LRRC4C: variants seen among roughly 807,000 people sequenced by gnomAD.
The protein encoded by LRRC4C is leucine-rich repeat-containing protein 4C.
A neutral mutation model predicts 33.6 loss-of-function variants in LRRC4C; 5 were observed. The observed-to-expected ratio is 0.15, with a 90% CI of 0.08 to 0.31. The LOEUF (loss-of-function observed/expected upper bound fraction) is 0.31. LRRC4C is among the 10% of genes least tolerant of loss of function. The probability of loss-of-function intolerance (pLI) is 1.00; values close to 1 mark genes in which losing one functional copy is unlikely to be tolerated. For synonymous variants in LRRC4C, 329 were observed against 302.0 expected (o/e 1.09, Z -0.93); for missense variants, 560 against 796.7 (o/e 0.70, Z 3.58).
intron 3 of LRRC4C, among the ~76,000 whole-genome samples, chr11:40,534,785 T>C (rs1406063490): frequency 6.6e-6 from 1 of 152,202 alleles, no homozygotes; most frequent in Non-Finnish European, 1.5e-5. Context: ...GGGCAAATTG[T>C]CCATTACTAT....
At chr11:40,431,749 T>G (rs888495223) in intron 3 of LRRC4C, among the ~76,000 whole-genome samples, 1 of 152,178 alleles carries the variant, frequency 6.6e-6, no homozygotes, top group African/African-American at 2.4e-5. Flanking sequence ...ATTATCCCCA[T>G]TTTACAGGTA....
chr11:40,745,299 CCTT>C (rs1043027485), intron 2 of LRRC4C, among the ~76,000 whole-genome samples: 1 of 152,048 alleles, frequency 6.6e-6, no homozygotes. Context: ...AAATAGCAGA[CCTT>C]CTTCTCCAAA....
intron 1 of LRRC4C, among the ~76,000 whole-genome samples, chr11:41,135,183 C>A (rs1270215618): frequency 6.6e-6 from 1 of 152,070 alleles, no homozygotes; most frequent in Non-Finnish European, 1.5e-5. Flanking sequence ...AAAATTTTTT[C>A]TCCTTTCAAA....
At chr11:40,648,823 G>C (rs1942618809) in intron 2 of LRRC4C, among the ~76,000 whole-genome samples, 1 of 152,126 alleles carries the variant, frequency 6.6e-6, no homozygotes, top group South Asian at 2.1e-4. Context: ...TTTCCCATAA[G>C]TGTCAGCCAG....
chr11:40,509,711 A>T (rs1955216722), intron 3 of LRRC4C, among the ~76,000 whole-genome samples: 1 of 152,122 alleles, frequency 6.6e-6, no homozygotes, highest in Non-Finnish European at 1.5e-5. Context: ...TTTTTGATTA[A>T]ATAAAACTTT....
chr11:40,531,442 A>T (rs1320515197), intron 3 of LRRC4C, among the ~76,000 whole-genome samples: 1 of 152,108 alleles, frequency 6.6e-6, no homozygotes, highest in Non-Finnish European at 1.5e-5. Flanking sequence ...AGGCAGCATA[A>T]TCTGTCAATT....
intron 3 of LRRC4C, among the ~76,000 whole-genome samples, chr11:40,542,246 C>T (rs1404909328): frequency 6.6e-6 from 1 of 152,056 alleles, no homozygotes; most frequent in Non-Finnish European, 1.5e-5. Context: ...CTGCACCCCA[C>T]CCCAACTACA....
At chr11:40,386,573 C>T (rs768601490) in intron 3 of LRRC4C, among the ~76,000 whole-genome samples, 13 of 152,068 alleles carry the variant, frequency 8.5e-5, no homozygotes, top group African/African-American at 2.7e-4. Context: ...AGGTACTTTA[C>T]GCATTGAAGA....
Position 40,238,729 on chromosome 11 carries a change from T to C in LRRC4C, c.-96+2790A>G, listed in dbSNP as rs536463605. On this transcript the variant is annotated intron_variant, in intron 5 of 6. Coordinates refer to ENST00000528697, the MANE Select transcript of LRRC4C (RefSeq NM_001258419.2). ...CATCTAATGTATAAAAGAGTTAATA[T>C]AGAAATAGATTTTAAAGAGGTTTCA... Among the ~76,000 whole-genome samples, 11 of 152,244 alleles carry C rather than the reference T, an allele frequency of 7.2e-5. No individual in the cohort carries two copies. The South Asian group carries it at 1.7e-3, about 23-fold the overall frequency.
intron 1 of LRRC4C, among the ~76,000 whole-genome samples, chr11:40,965,088 T>A (rs1851248163): frequency 6.6e-6 from 1 of 152,132 alleles, no homozygotes; most frequent in Admixed American, 6.6e-5. Flanking sequence ...TGGTATCTCA[T>A]TGTGGTTTTG....
chr11:41,074,245 C>G (rs1000458486), intron 1 of LRRC4C, among the ~76,000 whole-genome samples: 3 of 152,150 alleles, frequency 2.0e-5, no homozygotes, highest in Non-Finnish European at 4.4e-5. Context: ...CCTTCACTAA[C>G]CTCAGGAGAA....
At chr11:40,908,289 A>G (rs1956516452) in intron 2 of LRRC4C, among the ~76,000 whole-genome samples, 1 of 152,142 alleles carries the variant, frequency 6.6e-6, no homozygotes, top group Non-Finnish European at 1.5e-5. Flanking sequence ...GAAAAAGTAC[A>G]TGTAGACATA....
intron 1 of LRRC4C, among the ~76,000 whole-genome samples, chr11:41,274,621 A>G (rs1949422486): frequency 6.6e-6 from 1 of 152,260 alleles, no homozygotes; most frequent in Non-Finnish European, 1.5e-5. Context: ...AAATGGACCA[A>G]TCAGCAGGAC....
intron 2 of LRRC4C, among the ~76,000 whole-genome samples, chr11:40,747,504 A>T (rs773188778): frequency 6.6e-6 from 1 of 152,154 alleles, no homozygotes; most frequent in Non-Finnish European, 1.5e-5. Flanking sequence ...ATTAAAAAGA[A>T]AGAAAATATG....
At chr11:41,393,625 A>G (rs1953690836) in intron 1 of LRRC4C, among the ~76,000 whole-genome samples, 1 of 151,850 alleles carries the variant, frequency 6.6e-6, no homozygotes, top group African/African-American at 2.4e-5. Context: ...ACTCAAGAAG[A>G]GTTTCATTAC....
intron 3 of LRRC4C, among the ~76,000 whole-genome samples, chr11:40,538,419 G>A (rs1481757364): frequency 6.6e-6 from 1 of 152,112 alleles, no homozygotes; most frequent in East Asian, 1.9e-4. Flanking sequence ...TGCTGAGAAT[G>A]ATGGTTTCCA....
chr11:40,172,112 C>T (rs1477598874), intron 5 of LRRC4C, among the ~76,000 whole-genome samples: 3 of 152,096 alleles, frequency 2.0e-5, no homozygotes, highest in Admixed American at 6.5e-5. Context: ...GCTCTTCTGT[C>T]GTTTGAGAAA....
At chr11:41,279,605 C>A (rs1949602033) in intron 1 of LRRC4C, among the ~76,000 whole-genome samples, 1 of 152,106 alleles carries the variant, frequency 6.6e-6, no homozygotes. Context: ...TCCCTCACTC[C>A]CTTCTCCCTG....
At chr11:41,391,923 A>G (rs1482615982) in intron 1 of LRRC4C, among the ~76,000 whole-genome samples, 1 of 151,934 alleles carries the variant, frequency 6.6e-6, no homozygotes, top group Non-Finnish European at 1.5e-5. Flanking sequence ...TTATTTTATT[A>G]TCATAGGAGA....
Sources: gnomAD v4.1 joint callset for allele counts (sites outside exome capture counted in the v4.1 genomes callset) on GRCh38, gnomAD v4.1.1 for gene constraint, MANE v1.5 for transcripts, NCBI Gene and HGNC (gene_info 2026-07-23, HGNC 2026-07-21) for gene names.